NEK7: variants seen among roughly 807,000 people sequenced by gnomAD.
The protein encoded by NEK7 is serine/threonine-protein kinase Nek7.
NEK7 carries 18 observed loss-of-function variants against 44.6 expected under a neutral mutation model. The observed-to-expected ratio is 0.40, with a 90% CI of 0.28 to 0.60. NEK7 has a LOEUF of 0.60. Ranked by LOEUF, NEK7 falls within the 20% of genes least tolerant of loss-of-function variation. NEK7 has a pLI of 0.38. For synonymous variants in NEK7, 130 were observed against 121.1 expected, an observed-to-expected ratio of 1.07 and a Z score of -0.48; for missense variants, 256 against 366.5, an observed-to-expected ratio of 0.70 and a Z score of 2.46.
chr1:198,196,752 T>G (rs1047644599), intron 1 of NEK7, among the ~76,000 whole-genome samples: 1 of 152,224 alleles, frequency 6.6e-6, no homozygotes, highest in Non-Finnish European at 1.5e-5. Flanking sequence ...TGCTTATGTC[T>G]TTGGCCAAGT....
chr1:198,302,808 T>A lies in NEK7; in HGVS notation c.798+5568T>A, dbSNP rs191077665. On this transcript the variant is annotated intron_variant, in intron 9 of 9. Transcript: ENST00000367385. ...CATTCCCACTTTACATATGAGTAAG[T>A]AGAGACCTAGACAATGTTTAGAGCA... Among the ~76,000 whole-genome samples, 225 of 152,222 alleles carry A rather than the reference T, an allele frequency of 1.5e-3. 1 individual carries two copies. Among genetic ancestry groups the A allele is most frequent in the African/African-American group, 5.3e-3 (221 of 41,550 alleles).
At chr1:198,224,317 T>A (rs1169503627) in intron 1 of NEK7, among the ~76,000 whole-genome samples, 1 of 152,160 alleles carries the variant, frequency 6.6e-6, no homozygotes, top group Non-Finnish European at 1.5e-5. Flanking sequence ...TGTGTTCGAG[T>A]TGTCCATAGT....
chr1:198,197,426 A>G (rs12736867), intron 1 of NEK7, among the ~76,000 whole-genome samples: 15,255 of 152,286 alleles, frequency 0.1, 1,062 homozygotes, highest in South Asian at 0.25. Flanking sequence ...TGCTTTTTTA[A>G]GAAATTTTTT....
At position 198,321,393 on chromosome 1, in the gene NEK7, G is replaced by T. The variant is rs1655530898; in HGVS notation, c.*1871G>T. 1 of 152,018 alleles carries T rather than the reference G, an allele frequency of 6.6e-6. No homozygotes were observed. The highest frequency in any genetic ancestry group is 2.1e-4 in the South Asian group (1 of 4,824). The allele number at this position is 152,018 out of a possible 1,614,324, so 9.4% of individuals were successfully genotyped here. ...AGATATATTCCTAGAAGTATGAGAA[G>T]AATTATTCTTATTGACCATTAATGT... is the stretch of plus-strand genomic sequence containing the variant. On this transcript the variant is annotated 3_prime_UTR_variant, in exon 10 of 10. Transcript: ENST00000367385.
At chr1:198,294,259 A>G (rs1171491231) in intron 8 of NEK7, among the ~76,000 whole-genome samples, 1 of 151,970 alleles carries the variant, frequency 6.6e-6, no homozygotes, top group Non-Finnish European at 1.5e-5. Context: ...CAGTAATGTA[A>G]CAAAACATGT....
intron 1 of NEK7, among the ~76,000 whole-genome samples, chr1:198,229,125 C>A (rs1666313392): frequency 2.0e-5 from 3 of 152,146 alleles, no homozygotes; most frequent in Admixed American, 6.5e-5. Context: ...AGTATTTGAT[C>A]ATATCTTTTT....
chr1:198,302,156 T>C (rs999145602), intron 9 of NEK7, among the ~76,000 whole-genome samples: 1 of 152,138 alleles, frequency 6.6e-6, no homozygotes, highest in Non-Finnish European at 1.5e-5. Context: ...AACTATTTGT[T>C]TTTTAAAAAG....
At chr1:198,241,240 C>A (rs561431996) in intron 2 of NEK7, among the ~76,000 whole-genome samples, 1 of 152,184 alleles carries the variant, frequency 6.6e-6, no homozygotes, top group Non-Finnish European at 1.5e-5. Flanking sequence ...ATATTACGAT[C>A]TTGTCATATG....
chr1:198,213,870 C>T (rs1665846988), intron 1 of NEK7, among the ~76,000 whole-genome samples: 1 of 152,124 alleles, frequency 6.6e-6, no homozygotes, highest in Admixed American at 6.5e-5. Flanking sequence ...TGGGCATGTC[C>T]TACTAGCCTG....
At chr1:198,158,106 A>G (rs911023676) in intron 1 of NEK7, among the ~76,000 whole-genome samples, 3 of 152,154 alleles carry the variant, frequency 2.0e-5, no homozygotes, top group African/African-American at 4.8e-5. Flanking sequence ...AGCATCCTCT[A>G]TTTAGTCTTG....
chr1:198,313,245 G>A (rs1418519555), intron 9 of NEK7, among the ~76,000 whole-genome samples: 8 of 152,118 alleles, frequency 5.3e-5, no homozygotes, highest in Non-Finnish European at 8.8e-5. Context: ...TGTTTTATCA[G>A]AGACTAGGAT....
At chr1:198,231,358 A>G (rs1355991438) in intron 1 of NEK7, among the ~76,000 whole-genome samples, 1 of 143,948 alleles carries the variant, frequency 6.9e-6, no homozygotes, top group East Asian at 2.0e-4. Context: ...ATCATTTGGT[A>G]TATGACAAAG....
At chr1:198,317,725 G>T (rs993518293) in intron 9 of NEK7, among the ~76,000 whole-genome samples, 1 of 151,900 alleles carries the variant, frequency 6.6e-6, no homozygotes, top group Non-Finnish European at 1.5e-5. Flanking sequence ...ATCTTTTCCT[G>T]CTATTCTTTC....
rs558554666 is a variant in NEK7 at position 198,281,763 on chromosome 1, T to G, written c.589+2702T>G. Among the ~76,000 whole-genome samples, 5 of 152,258 alleles carry G rather than the reference T, an allele frequency of 3.3e-5. No individual in the cohort carries two copies. In the East Asian group the frequency reaches 7.7e-4, roughly 24 times the overall value. On this transcript the variant is annotated intron_variant, in intron 7 of 9. Transcript: ENST00000367385. ...TTTGTATTTAACAGTCCTTAAGAGA[T>G]TGGCAAGTCTTTGCATTTTCAATTG...
chr1:198,201,093 T>A (rs1387857347), intron 1 of NEK7, among the ~76,000 whole-genome samples: 1 of 152,226 alleles, frequency 6.6e-6, no homozygotes, highest in Non-Finnish European at 1.5e-5. Flanking sequence ...GAGTATATTT[T>A]CATTGTATAT....
intron 9 of NEK7, among the ~76,000 whole-genome samples, chr1:198,306,793 C>T (rs777398409): frequency 1.3e-5 from 2 of 152,088 alleles, no homozygotes; most frequent in South Asian, 4.1e-4. Context: ...TGATTTTTCC[C>T]CTTATTATAA....
intron 9 of NEK7, among the ~76,000 whole-genome samples, chr1:198,311,989 A>C (rs1655202392): frequency 6.6e-6 from 1 of 152,092 alleles, no homozygotes; most frequent in Non-Finnish European, 1.5e-5. Context: ...TTTTCTATTG[A>C]TTGGAATAGT....
chr1:198,218,197 G>A lies in NEK7; in HGVS notation c.-28-14356G>A, dbSNP rs2102836807. Among the ~76,000 whole-genome samples, 3 of 152,156 alleles carry A rather than the reference G, an allele frequency of 2.0e-5. 1 individual carries two copies. The South Asian group carries it at 6.2e-4, about 31-fold the overall frequency. ...CTACAAGGCTGTAGTAATCCAAACT[G>A]CATGGTACTGGTATAAAAGTAGATG... is the stretch of plus-strand genomic sequence containing the variant. On this transcript the variant is annotated intron_variant, in intron 1 of 9. Coordinates refer to ENST00000367385, the MANE Select transcript of NEK7 (RefSeq NM_133494.3).
At chr1:198,171,965 ATCATACTTG>A (rs1664462029) in intron 1 of NEK7, among the ~76,000 whole-genome samples, 1 of 152,216 alleles carries the variant, frequency 6.6e-6, no homozygotes, top group African/African-American at 2.4e-5. Context: ...GGTGTCTGTC[ATCATACTTG>A]CTTCCTTATA....
Sources: gnomAD v4.1 joint callset for allele counts (sites outside exome capture counted in the v4.1 genomes callset) on GRCh38, gnomAD v4.1.1 for gene constraint, MANE v1.5 for transcripts, NCBI Gene and HGNC (gene_info 2026-07-23, HGNC 2026-07-21) for gene names.